The following GON4L variants were observed in gnomAD, a reference collection of about 807,000 sequenced individuals.
GON4L encodes the protein GON-4-like protein.
GON4L carries 87 observed loss-of-function variants against 211.8 expected under a neutral mutation model. The observed-to-expected ratio is 0.41, with a 90% CI of 0.35 to 0.49. The LOEUF (loss-of-function observed/expected upper bound fraction) is 0.49. GON4L is among the 20% of genes least tolerant of loss of function. The pLI, the probability that GON4L is intolerant of heterozygous loss-of-function variation, is 0.15. For synonymous variants in GON4L, 875 were observed against 962.6 expected (o/e 0.91, Z 1.68); for missense variants, 2,155 against 2,659.5 (o/e 0.81, Z 4.17).
intron 29 of GON4L, 39 bp downstream of exon 29, chr1:155,753,165 G>T: frequency 6.8e-7 from 1 of 1,478,334 alleles, no homozygotes; most frequent in Non-Finnish European, 9.5e-7. Context: ...AGGATAACGA[G>T]ACTGAGGAAC....
intron 29 of GON4L, 45 bp downstream of exon 29, chr1:155,753,159 T>C (rs1285321440): frequency 7.0e-7 from 1 of 1,427,960 alleles, no homozygotes; most frequent in Admixed American, 1.7e-5. Flanking sequence ...GAGTACAGGA[T>C]AACGAGACTG....
intron 17 of GON4L, among the ~76,000 whole-genome samples, chr1:155,774,016 T>C (rs1312421685): frequency 6.6e-6 from 1 of 152,194 alleles, no homozygotes; most frequent in Non-Finnish European, 1.5e-5. Context: ...ACGATAAGAC[T>C]CAGGGATTTA....
rs541700518 is a variant in GON4L at position 155,831,982 on chromosome 1, C to A, written c.506-4954G>T. ...ATGCAAACCCAGGAGGCGGAGCTTG[C>A]AGTGAGCCGAAATCACACCACTGCA... is the stretch of plus-strand genomic sequence containing the variant. On this transcript the variant is annotated intron_variant, in intron 2 of 31. Transcript: ENST00000368331. Among the ~76,000 whole-genome samples, 191 of 152,248 alleles carry A rather than the reference C, an allele frequency of 1.3e-3. 1 individual carries two copies. Among genetic ancestry groups the A allele is most frequent in the African/African-American group, 4.4e-3 (184 of 41,546 alleles).
In GON4L at chr1:155,754,750, G is replaced by A. The variant is rs111758954; in HGVS notation, c.5518-262C>T. On this transcript the variant is annotated intron_variant, in intron 27 of 31. Coordinates refer to ENST00000368331, the MANE Select transcript of GON4L (RefSeq NM_001282860.2). ...TCACCATGTTGGTCAGGCTGGTCTCGAACTCCTGACCTCTTGATCTGCCCT... is the reference window on the plus strand; with the variant it reads ...TCACCATGTTGGTCAGGCTGGTCTCAAACTCCTGACCTCTTGATCTGCCCT... Among the ~76,000 whole-genome samples the A allele has an allele frequency of 9.6e-4, 146 of 151,436 alleles. 1 individual carries two copies. Among genetic ancestry groups the A allele is most frequent in the African/African-American group, 3.3e-3 (136 of 41,278 alleles).
At chr1:155,747,710 T>C (rs1374418994), downstream of GON4L, 4 of 1,613,546 alleles carry the variant, frequency 2.5e-6, no homozygotes, top group Non-Finnish European at 3.4e-6. Flanking sequence ...CACTCCAGGG[T>C]GGAAGCTCTT....
At chr1:155,794,349 G>C (rs972870698) in intron 12 of GON4L, among the ~76,000 whole-genome samples, 1 of 152,178 alleles carries the variant, frequency 6.6e-6, no homozygotes, top group Non-Finnish European at 1.5e-5. Context: ...TGGGATTACA[G>C]GCGTGAGCCA....
intron 2 of GON4L, among the ~76,000 whole-genome samples, chr1:155,844,336 C>T (rs1256101558): frequency 6.6e-6 from 1 of 152,170 alleles, no homozygotes; most frequent in Non-Finnish European, 1.5e-5. Flanking sequence ...ATCAATAAGA[C>T]CGACTGCACA....
chr1:155,748,073 G>A, downstream of GON4L: 2 of 1,608,574 alleles, frequency 1.2e-6, no homozygotes, highest in South Asian at 1.1e-5. Context: ...CCTTGGGTGG[G>A]AGCCTGGGCC....
At chr1:155,774,497 C>T (rs192607439) in intron 17 of GON4L, among the ~76,000 whole-genome samples, 6 of 152,038 alleles carry the variant, frequency 3.9e-5, no homozygotes, top group East Asian at 3.9e-4. Flanking sequence ...TTAGTAGAGA[C>T]GGGGTTTCAC....
At chr1:155,806,917 C>T (rs1667178054) in intron 10 of GON4L, among the ~76,000 whole-genome samples, 1 of 151,874 alleles carries the variant, frequency 6.6e-6, no homozygotes, top group African/African-American at 2.4e-5. Context: ...CTGGGTAACA[C>T]AGTGAGACCT....
intron 28 of GON4L, 118 bp downstream of exon 28, chr1:155,754,253 ATGTG>A (rs765715545): frequency 1.3e-6 from 1 of 757,968 alleles, no homozygotes; most frequent in Admixed American, 1.8e-5. Context: ...ATGTACACAT[ATGTG>A]TATACTGAAT....
At position 155,750,745 on chromosome 1, in the gene GON4L, G is replaced by A; in HGVS notation, c.6577-12C>T. ...AAACGGTGGGAAACCTAAGAAAGGA[G>A]GAGGGCTGTATTCACTGGTCTTTTT... On this transcript the variant is annotated splice_polypyrimidine_tract_variant and intron_variant, in intron 31 of 31. Transcript: ENST00000368331. 2.6e-6 allele frequency: 4 copies of A among 1,566,718 alleles called. No individual in the cohort carries two copies. The highest frequency in any genetic ancestry group is 3.5e-6 in the Non-Finnish European group (4 of 1,155,920).
Position 155,765,304 on chromosome 1 carries a change from G to GTAA in GON4L, c.4168_4169insTTA (p.Pro1390delinsLeuThr). ...ATCAGGGGGCTCTTGAGAAGATGAA[G>GTAA]GGGTTTTAGTTGGCTGACTCCTCTC... On this transcript the variant is annotated protein_altering_variant, in exon 21 of 32. Coordinates refer to ENST00000368331, the MANE Select transcript of GON4L (RefSeq NM_001282860.2). The GTAA allele has an allele frequency of 6.2e-7, 1 of 1,614,198 alleles. No homozygotes were observed. The highest frequency in any genetic ancestry group is 8.5e-7 in the Non-Finnish European group (1 of 1,180,032).
At chr1:155,814,303 C>A (rs532245409) in intron 9 of GON4L, 27 bp downstream of exon 9, 1 of 1,599,976 alleles carries the variant, frequency 6.3e-7, no homozygotes, top group South Asian at 1.1e-5. Context: ...TTATGTCTAA[C>A]ATCTCTTTTG....
rs778646432 is a variant in GON4L, at chr1:155,805,086, T to C, written c.1508A>G (p.Asp503Gly). The change falls in exon 11 of 32, where the codon GAT becomes GGT. Residue 503 changes from aspartate (D) to glycine (G), a missense_variant. By Grantham distance (94) the Asp-to-Gly change is moderately conservative (BLOSUM62 -1). Transcript: ENST00000368331. ...FRTRSKMPLKDVPLGQLEAEL... is the reference protein window; with the variant it reads ...FRTRSKMPLKGVPLGQLEAEL... ...TGCCTCTAATTGGCCCAGGGGAACA[T>C]CTTTCAGGGGCATCTTAGAACGCGT... is the stretch of plus-strand genomic sequence containing the variant. 1 of 1,613,692 alleles carries C rather than the reference T, an allele frequency of 6.2e-7. No homozygotes were observed. Among genetic ancestry groups the C allele is most frequent in the South Asian group, 1.1e-5 (1 of 91,078 alleles).
At chr1:155,799,210 G>A (rs187952624) in intron 11 of GON4L, among the ~76,000 whole-genome samples, 4 of 152,284 alleles carry the variant, frequency 2.6e-5, no homozygotes, top group Admixed American at 6.5e-5. Context: ...CAAGGCGGGC[G>A]GATCACCTGA....
intron 12 of GON4L, among the ~76,000 whole-genome samples, chr1:155,790,654 C>T (rs1665441985): frequency 6.6e-6 from 1 of 151,824 alleles, no homozygotes; most frequent in Non-Finnish European, 1.5e-5. Flanking sequence ...ATTAACACTA[C>T]TGAAAGTTTG....
chr1:155,813,311 T>C (rs560876787), intron 10 of GON4L, among the ~76,000 whole-genome samples: 3 of 151,978 alleles, frequency 2.0e-5, no homozygotes, highest in African/African-American at 7.2e-5. Flanking sequence ...GGCATATACC[T>C]GTCCCACCTA....
intron 14 of GON4L, among the ~76,000 whole-genome samples, chr1:155,781,007 T>C (rs1048717440): frequency 2.6e-5 from 4 of 152,138 alleles, no homozygotes; most frequent in Admixed American, 6.6e-5. Flanking sequence ...GACTGTCTTA[T>C]GCAATCTTCT....
Sources: gnomAD v4.1 joint callset for allele counts (sites outside exome capture counted in the v4.1 genomes callset) on GRCh38, gnomAD v4.1.1 for gene constraint, MANE v1.5 for transcripts, NCBI Gene and HGNC (gene_info 2026-07-23, HGNC 2026-07-21) for gene names.